TBC1D14: variants seen among roughly 807,000 people sequenced by gnomAD.
TBC1D14 encodes the protein TBC1 domain family member 14.
A neutral mutation model predicts 79.0 loss-of-function variants in TBC1D14; 26 were observed. That is an observed-to-expected ratio of 0.33 (90% CI 0.24 to 0.46). The LOEUF (loss-of-function observed/expected upper bound fraction) is 0.46, where lower values mean the gene tolerates loss of function less well. Ranked by LOEUF, TBC1D14 falls within the 20% of genes least tolerant of loss-of-function variation. TBC1D14 has a pLI of 1.00. For synonymous variants in TBC1D14, 394 were observed against 349.9 expected (o/e 1.13, Z -1.40); for missense variants, 769 against 887.6 (o/e 0.87, Z 1.70).
chr4:6,929,421 T>G (rs1048578142), intron 2 of TBC1D14, among the ~76,000 whole-genome samples: 3 of 152,038 alleles, frequency 2.0e-5, no homozygotes, highest in Admixed American at 6.6e-5. Context: ...GAGAGAGATG[T>G]GAACAAAGCA....
intron 3 of TBC1D14, chr4:6,987,079 C>T: frequency 1.1e-6 from 1 of 916,800 alleles, no homozygotes; most frequent in Non-Finnish European, 1.4e-6. Flanking sequence ...GACGCCCCAG[C>T]CCCGCCCCTT....
chr4:6,996,604 G>A (rs1003341065), intron 5 of TBC1D14, among the ~76,000 whole-genome samples, 197 bp downstream of exon 5: 3 of 152,126 alleles, frequency 2.0e-5, no homozygotes, highest in South Asian at 2.1e-4. Context: ...TGGCGTGGGC[G>A]GACTGCAGGG....
At chr4:6,987,263 G>A in intron 3 of TBC1D14, 3 of 1,276,782 alleles carry the variant, frequency 2.3e-6, no homozygotes, top group East Asian at 3.2e-5. Flanking sequence ...GCCCGCCCGC[G>A]GTCCGGGAGG....
intron 4 of TBC1D14, chr4:6,995,827 ATTTAAT>A (rs1718980196): frequency 8.4e-6 from 1 of 119,078 alleles, no homozygotes; most frequent in Admixed American, 9.1e-5. Flanking sequence ...ATTTGTTTTT[ATTTAAT>A]TAATTAATTT....
chr4:6,909,686 C>T (rs1279307367), upstream of TBC1D14, among the ~76,000 whole-genome samples: 2 of 151,026 alleles, frequency 1.3e-5, no homozygotes, highest in African/African-American at 2.4e-5. Context: ...GAGCTCCAGA[C>T]GCGGCGGCAC....
In TBC1D14 at chr4:7,000,800, A is replaced by AG. The variant is rs201181778; in HGVS notation, c.1164-343dup. On this transcript the variant is annotated intron_variant, in intron 6 of 13. Transcript: ENST00000409757. ...ACTCCCAGCTATGTGCTGTTCCTGTAGGAGGCCAAGCCATTGCTTTTTCCT... is the reference window on the plus strand; with the variant it reads ...ACTCCCAGCTATGTGCTGTTCCTGTAGGGAGGCCAAGCCATTGCTTTTTCCT... Among the ~76,000 whole-genome samples, 620 of 152,284 alleles carry AG rather than the reference A, an allele frequency of 4.1e-3. 5 individuals are homozygous for AG. The highest frequency in any genetic ancestry group is 0.014 in the African/African-American group (566 of 41,562).
chr4:7,006,522 C>G, intron 8 of TBC1D14, 110 bp from the exon 9 acceptor site: 1 of 816,394 alleles, frequency 1.2e-6, no homozygotes, highest in African/African-American at 1.7e-5. Flanking sequence ...GGTCAGTGTG[C>G]TTCTGAAAAA....
chr4:6,941,206 G>A (rs1311603310), intron 2 of TBC1D14, among the ~76,000 whole-genome samples: 1 of 103,510 alleles, frequency 9.7e-6, no homozygotes, highest in Non-Finnish European at 1.8e-5. Context: ...TTTTTTTTGA[G>A]ATGCGGTCTC....
At chr4:6,982,688 T>A (rs528540937) in intron 3 of TBC1D14, among the ~76,000 whole-genome samples, 25 of 152,320 alleles carry the variant, frequency 1.6e-4, no homozygotes, top group African/African-American at 6.0e-4. Context: ...ATAGGTGAAA[T>A]GACAGTTGTA....
At chr4:6,932,975 G>C (rs115526960) in intron 2 of TBC1D14, among the ~76,000 whole-genome samples, 3,361 of 152,196 alleles carry the variant, frequency 0.022, 77 homozygotes, top group Admixed American at 0.055. Context: ...GGAATTGTCT[G>C]CTTCCAGGCT....
intron 1 of TBC1D14, among the ~76,000 whole-genome samples, chr4:6,915,852 C>T (rs1560237926): frequency 1.3e-5 from 2 of 151,852 alleles, no homozygotes; most frequent in South Asian, 2.1e-4. Flanking sequence ...TGGTGGCTCA[C>T]GCCTGTAGTC....
At chr4:7,001,896 A>C (rs1043715642) in intron 7 of TBC1D14, among the ~76,000 whole-genome samples, 6 of 152,176 alleles carry the variant, frequency 3.9e-5, no homozygotes, top group Non-Finnish European at 5.9e-5. Flanking sequence ...ACTGGCAGCC[A>C]TTCTTTTCAC....
At chr4:6,987,368 C>T (rs972618603) in intron 3 of TBC1D14, 6 of 1,418,604 alleles carry the variant, frequency 4.2e-6, no homozygotes, top group East Asian at 3.1e-5. Context: ...GGGTGCGGGC[C>T]GGTGCCTCTC....
At chr4:6,949,810 C>T (rs6834007) in intron 2 of TBC1D14, among the ~76,000 whole-genome samples, 66,846 of 150,188 alleles carry the variant, frequency 0.45, 15,703 homozygotes, top group East Asian at 0.67. Context: ...TAAATTTATT[C>T]CTGGATACTG....
At chr4:6,974,250 T>G (rs1481741565) in intron 3 of TBC1D14, among the ~76,000 whole-genome samples, 1 of 152,108 alleles carries the variant, frequency 6.6e-6, no homozygotes, top group East Asian at 1.9e-4. Context: ...GGGAGCTGAT[T>G]AGAAGAATTT....
rs1466764278 is a variant in TBC1D14 at position 7,014,542 on chromosome 4, T to C, written c.1742T>C (p.Ile581Thr). ...HFKKNNLTPD[I>T]YLIDWIFTLY... ...AAGAAGAACAACCTAACTCCAGATA[T>C]CTACCTAATTGATTGGTAAGACTGG... Residue 581 changes from isoleucine (I) to threonine (T), a missense_variant, in exon 12 of 14, where the codon ATC becomes ACC. Ile to Thr is a moderately conservative substitution (Grantham distance 89). Coordinates refer to ENST00000409757, the MANE Select transcript of TBC1D14 (RefSeq NM_020773.3). 3 of 1,611,378 alleles carry C rather than the reference T, an allele frequency of 1.9e-6. No individual in the cohort carries two copies. Among genetic ancestry groups the C allele is most frequent in the East Asian group, 2.2e-5 (1 of 44,880 alleles).
At chr4:6,963,779 A>T (rs1190158254) in intron 2 of TBC1D14, among the ~76,000 whole-genome samples, 2 of 152,190 alleles carry the variant, frequency 1.3e-5, no homozygotes, top group African/African-American at 4.8e-5. Flanking sequence ...CTAAGCTCTT[A>T]TGTTAAAAAT....
At chr4:6,964,563 C>T (rs970962260) in intron 2 of TBC1D14, among the ~76,000 whole-genome samples, 3 of 152,172 alleles carry the variant, frequency 2.0e-5, no homozygotes, top group East Asian at 1.9e-4. Context: ...TCACTGATGG[C>T]GAAATCTTAG....
chr4:6,930,828 A>C (rs1449355718), intron 2 of TBC1D14, among the ~76,000 whole-genome samples: 1 of 150,094 alleles, frequency 6.7e-6, no homozygotes, highest in South Asian at 2.1e-4. Flanking sequence ...GAGGGGTCTC[A>C]GTGATTTCGG....
Sources: gnomAD v4.1 joint callset for allele counts (sites outside exome capture counted in the v4.1 genomes callset) on GRCh38, gnomAD v4.1.1 for gene constraint, MANE v1.5 for transcripts, NCBI Gene and HGNC (gene_info 2026-07-23, HGNC 2026-07-21) for gene names.